Variants in PARD3B observed in about 807,000 individuals in gnomAD.
PARD3B encodes par-3 family cell polarity regulator beta.
In PARD3B, 103 loss-of-function variants were observed where a neutral mutation model predicts 130.2. That is an observed-to-expected ratio of 0.79 (90% CI 0.67 to 0.93). The LOEUF is 0.93. PARD3B is among the 40% of genes least tolerant of loss of function. PARD3B has a pLI of 0.00. For synonymous variants in PARD3B, 583 were observed against 553.2 expected (o/e 1.05, Z -0.76); for missense variants, 1,609 against 1,499.2 (o/e 1.07, Z -1.21).
intron 18 of PARD3B, among the ~76,000 whole-genome samples, chr2:205,400,483 A>G (rs558905400): frequency 6.6e-6 from 1 of 152,124 alleles, no homozygotes; most frequent in Non-Finnish European, 1.5e-5. Context: ...TCTACTAAAA[A>G]TACAAAAATT....
chr2:204,773,398 A>AT (rs928409410), intron 2 of PARD3B, among the ~76,000 whole-genome samples: 6 of 146,142 alleles, frequency 4.1e-5, no homozygotes, highest in African/African-American at 7.3e-5. Flanking sequence ...ATATATATAT[A>AT]TTTTTTTTCT....
chr2:204,849,986 G>A (rs1180940800), intron 2 of PARD3B, among the ~76,000 whole-genome samples: 3 of 152,164 alleles, frequency 2.0e-5, no homozygotes, highest in Non-Finnish European at 4.4e-5. Context: ...AAGCTGAAGC[G>A]TTAACGTATT....
At chr2:205,118,599 G>A (rs184439605) in intron 6 of PARD3B, among the ~76,000 whole-genome samples, 1 of 152,206 alleles carries the variant, frequency 6.6e-6, no homozygotes, top group Non-Finnish European at 1.5e-5. Context: ...CTATAGTCAG[G>A]TGTGATGCCC....
chr2:204,634,139 C>T (rs1383161908), intron 1 of PARD3B, among the ~76,000 whole-genome samples: 1 of 152,106 alleles, frequency 6.6e-6, no homozygotes, highest in East Asian at 1.9e-4. Flanking sequence ...GCCCTAGCTC[C>T]CCATTATCCT....
chr2:204,998,824 C>A (rs1003461801), intron 3 of PARD3B, among the ~76,000 whole-genome samples: 13 of 152,086 alleles, frequency 8.5e-5, no homozygotes, highest in African/African-American at 3.1e-4. Context: ...AGTGATTCTC[C>A]TGCCTCAGCC....
At chr2:204,804,886 T>C (rs924545179) in intron 2 of PARD3B, among the ~76,000 whole-genome samples, 7 of 152,068 alleles carry the variant, frequency 4.6e-5, no homozygotes, top group Admixed American at 1.3e-4. Flanking sequence ...TAAATGGCTA[T>C]TGAGTCAATG....
intron 22 of PARD3B, among the ~76,000 whole-genome samples, chr2:205,587,806 C>T (rs1377035602): frequency 6.6e-6 from 1 of 152,230 alleles, no homozygotes; most frequent in African/African-American, 2.4e-5. Flanking sequence ...TTCGTTTCCT[C>T]CCTTTTTCTG....
intron 16 of PARD3B, among the ~76,000 whole-genome samples, chr2:205,272,875 G>A (rs2040786540): frequency 1.3e-5 from 2 of 152,208 alleles, no homozygotes; most frequent in Admixed American, 1.3e-4. Context: ...TATCTGGAGA[G>A]ATGAATATTT....
intron 1 of PARD3B, among the ~76,000 whole-genome samples, chr2:204,595,529 A>G (rs1214374464): frequency 6.6e-6 from 1 of 152,208 alleles, no homozygotes; most frequent in African/African-American, 2.4e-5. Flanking sequence ...GAATGAGGAC[A>G]GCATTGAAAG....
chr2:205,125,680 G>A lies in PARD3B; in HGVS notation c.1377G>A (p.Gly459=), dbSNP rs1174605379. 1.2e-6 allele frequency: 2 copies of A among 1,613,990 alleles called. No homozygotes were observed. Reference sequence around the variant, plus strand: ...CCATGCTCAGGAGCACCAAGCAGGGGGAGACAGCATCGCTGGTCATTGCCC... The same window carrying A: ...CCATGCTCAGGAGCACCAAGCAGGGAGAGACAGCATCGCTGGTCATTGCCC... The part of the protein sequence containing the change: ...LVAMLRSTKQ[G]ETASLVIARQ... The change falls in exon 10 of 23, where the codon GGG becomes GGA. Residue 459 remains glycine, a synonymous_variant. Coordinates refer to ENST00000406610, the MANE Select transcript of PARD3B (RefSeq NM_001302769.2). This position sits in a 1 kb window ranked among gnomAD's most constrained non-coding sequence, Gnocchi z 4.0.
intron 6 of PARD3B, among the ~76,000 whole-genome samples, chr2:205,117,920 C>CACACACACACACACAT (rs1553617432): frequency 2.0e-3 from 300 of 151,936 alleles, no homozygotes; most frequent in African/African-American, 6.3e-3. Context: ...TGTGTGTACA[C>CACACACACACACACAT]ACACACACAC....
At chr2:204,631,926 T>C (rs1457366133) in intron 1 of PARD3B, among the ~76,000 whole-genome samples, 1 of 152,212 alleles carries the variant, frequency 6.6e-6, no homozygotes, top group East Asian at 1.9e-4. Context: ...ATTTTAAGTT[T>C]TTCATTTTGG....
chr2:205,603,426 A>G (rs1412305824), intron 22 of PARD3B, among the ~76,000 whole-genome samples: 2 of 152,122 alleles, frequency 1.3e-5, no homozygotes, highest in Non-Finnish European at 2.9e-5. Context: ...TGTCTCCATG[A>G]TCTGTCTAAT....
intron 2 of PARD3B, among the ~76,000 whole-genome samples, chr2:204,942,028 T>G (rs184777302): frequency 3.9e-5 from 6 of 152,280 alleles, no homozygotes; most frequent in Admixed American, 3.9e-4. Flanking sequence ...TAATGTTCCT[T>G]TCAGGTAATG....
chr2:204,954,966 G>C (rs1218416225), intron 2 of PARD3B, among the ~76,000 whole-genome samples: 2 of 152,092 alleles, frequency 1.3e-5, no homozygotes, highest in Non-Finnish European at 2.9e-5. Flanking sequence ...AAAGCAGAAA[G>C]GTTCCTTTTT....
chr2:205,066,332 T>TA (rs1486906858), intron 4 of PARD3B, among the ~76,000 whole-genome samples: 1 of 152,152 alleles, frequency 6.6e-6, no homozygotes, highest in Non-Finnish European at 1.5e-5. Context: ...GTAATACAGT[T>TA]AAGATAGGTG....
At chr2:205,106,043 TTATGGCTG>T (rs1470673301) in intron 5 of PARD3B, among the ~76,000 whole-genome samples, 2 of 152,022 alleles carry the variant, frequency 1.3e-5, no homozygotes, top group Non-Finnish European at 2.9e-5. Flanking sequence ...TTAGTTTGGT[TTATGGCTG>T]TATGAACAAA....
chr2:205,609,024 G>A (rs1428085371), intron 22 of PARD3B, among the ~76,000 whole-genome samples: 1 of 152,196 alleles, frequency 6.6e-6, no homozygotes, highest in South Asian at 2.1e-4. Flanking sequence ...AAATGTGAGT[G>A]ATGAAAGCGG....
intron 20 of PARD3B, among the ~76,000 whole-genome samples, chr2:205,457,952 A>G (rs1396486052): frequency 6.6e-6 from 1 of 152,200 alleles, no homozygotes; most frequent in Non-Finnish European, 1.5e-5. Context: ...TAAGTATATA[A>G]TGCAAATATT....
Sources: gnomAD v4.1 joint callset for allele counts (sites outside exome capture counted in the v4.1 genomes callset) on GRCh38, gnomAD v4.1.1 for gene constraint, Gnocchi (gnomAD v3.1) non-coding constraint, MANE v1.5 for transcripts, NCBI Gene and HGNC (gene_info 2026-07-23, HGNC 2026-07-21) for gene names.